The following IL1RAPL2 variants were observed in gnomAD, a reference collection of about 807,000 sequenced individuals.
IL1RAPL2 encodes interleukin 1 receptor accessory protein like 2.
A neutral mutation model predicts 44.1 loss-of-function variants in IL1RAPL2; 3 were observed. The ratio of observed to expected loss-of-function variants is 0.07; its 90% CI spans 0.03 to 0.18. The LOEUF (loss-of-function observed/expected upper bound fraction) is 0.18, where lower values mean the gene tolerates loss of function less well. IL1RAPL2 is among the 10% of genes least tolerant of loss of function. The probability of loss-of-function intolerance (pLI) is 1.00; values close to 1 mark genes in which losing one functional copy is unlikely to be tolerated. For synonymous variants in IL1RAPL2, 181 were observed against 178.8 expected (o/e 1.01, Z -0.10); for missense variants, 391 against 496.4 (o/e 0.79, Z 2.02).
chrX:104,781,906 T>C (rs766744286), intron 2 of IL1RAPL2, among the ~76,000 whole-genome samples: 1 of 111,232 alleles, frequency 9.0e-6, no homozygotes, highest in Non-Finnish European at 1.9e-5. Flanking sequence ...CATTTGAGAA[T>C]TGATTAAGTC....
intron 10 of IL1RAPL2, among the ~76,000 whole-genome samples, chrX:105,757,856 G>A (rs1162066921): frequency 8.9e-6 from 1 of 111,754 alleles, no homozygotes; most frequent in African/African-American, 3.3e-5. Context: ...TAGCTGAGCA[G>A]TCACCATGTC....
At chrX:105,440,307 C>A (rs1469709291) in intron 5 of IL1RAPL2, among the ~76,000 whole-genome samples, 2 of 111,808 alleles carry the variant, frequency 1.8e-5, no homozygotes, top group Non-Finnish European at 3.8e-5. Context: ...ATATTTTTTT[C>A]TGGTGAAAAG....
chrX:105,124,422 A>G (rs1337040803), intron 2 of IL1RAPL2, among the ~76,000 whole-genome samples: 1 of 110,871 alleles, frequency 9.0e-6, no homozygotes, highest in African/African-American at 3.3e-5. Context: ...CATGGCGTCA[A>G]GATTATATGA....
intron 5 of IL1RAPL2, among the ~76,000 whole-genome samples, chrX:105,447,932 A>AAAATATGTTAAAAATATAAATATAT (rs2035985842): frequency 2.0e-5 from 2 of 97,661 alleles, no homozygotes; most frequent in Non-Finnish European, 2.0e-5. Context: ...TAAATATATT[A>AAAATATGTTAAAAATATAAATATAT]AAATATGTTA....
At chrX:105,023,263 A>C (rs2031312387) in intron 2 of IL1RAPL2, among the ~76,000 whole-genome samples, 1 of 109,865 alleles carries the variant, frequency 9.1e-6, no homozygotes, top group African/African-American at 3.3e-5. Flanking sequence ...AAAAAAAAGG[A>C]ATGTCATTTC....
At chrX:105,111,558 G>A (rs778515905) in intron 2 of IL1RAPL2, among the ~76,000 whole-genome samples, 1 of 111,806 alleles carries the variant, frequency 8.9e-6, no homozygotes, top group East Asian at 2.8e-4. Flanking sequence ...AACCCCAAAA[G>A]TCATGTAGTA....
chrX:105,583,819 A>G (rs1257908020), intron 6 of IL1RAPL2, among the ~76,000 whole-genome samples: 1 of 111,866 alleles, frequency 8.9e-6, no homozygotes, highest in Non-Finnish European at 1.9e-5. Context: ...TAGTTTCTCA[A>G]GATGGAAGCT....
chrX:105,020,997 G>A (rs1308534459), intron 2 of IL1RAPL2, among the ~76,000 whole-genome samples: 1 of 111,697 alleles, frequency 9.0e-6, no homozygotes, highest in African/African-American at 3.2e-5. Context: ...GTGTCAGCAG[G>A]TTTCTAAGAC....
rs184586010 is a variant in IL1RAPL2, at chrX:105,039,652, A to G, written c.83-155823A>G. 5.5e-4 allele frequency among the ~76,000 whole-genome samples: 61 copies of G among 111,226 alleles called. No homozygotes were observed. The East Asian group carries it at 0.017, about 30-fold the overall frequency. Reference sequence around the variant, plus strand: ...TTTATTCTCTTTGAAGCAATTGTGAATGGGAGTTCACTCATGATTTGGATC... The same window carrying G: ...TTTATTCTCTTTGAAGCAATTGTGAGTGGGAGTTCACTCATGATTTGGATC... On this transcript the variant is annotated intron_variant, in intron 2 of 10. Coordinates refer to ENST00000372582, the MANE Select transcript of IL1RAPL2 (RefSeq NM_017416.2).
At chrX:105,064,305 G>C (rs1163134866) in intron 2 of IL1RAPL2, among the ~76,000 whole-genome samples, 2 of 112,331 alleles carry the variant, frequency 1.8e-5, no homozygotes, top group African/African-American at 6.5e-5. Context: ...AGGCAGAAAA[G>C]TCTCACCCAT....
At chrX:104,604,078 G>A (rs904986229) in intron 1 of IL1RAPL2, among the ~76,000 whole-genome samples, 1 of 112,198 alleles carries the variant, frequency 8.9e-6, no homozygotes, top group Non-Finnish European at 1.9e-5. Flanking sequence ...TACCCACAAA[G>A]GGAAGCCCAT....
At chrX:104,799,029 A>G (rs1426371316) in intron 2 of IL1RAPL2, among the ~76,000 whole-genome samples, 1 of 110,965 alleles carries the variant, frequency 9.0e-6, no homozygotes, top group Non-Finnish European at 1.9e-5. Flanking sequence ...TTTTACATGG[A>G]TCAACTTATT....
At chrX:104,826,119 T>A (rs1921443377) in intron 2 of IL1RAPL2, among the ~76,000 whole-genome samples, 1 of 111,732 alleles carries the variant, frequency 8.9e-6, no homozygotes. Context: ...TAGAATTTGT[T>A]TTTATGTTTT....
At chrX:105,074,535 G>T (rs1307467463) in intron 2 of IL1RAPL2, among the ~76,000 whole-genome samples, 2 of 109,703 alleles carry the variant, frequency 1.8e-5, no homozygotes, top group African/African-American at 3.3e-5. Context: ...CTCTTTTTTG[G>T]TTCCATATGA....
At chrX:105,331,532 G>A (rs1433335499) in intron 5 of IL1RAPL2, among the ~76,000 whole-genome samples, 5 of 111,060 alleles carry the variant, frequency 4.5e-5, no homozygotes, top group Non-Finnish European at 9.5e-5. Flanking sequence ...GCTAATTTTT[G>A]TAAACAGAAC....
At chrX:104,857,931 C>A (rs913897063) in intron 2 of IL1RAPL2, among the ~76,000 whole-genome samples, 1 of 111,219 alleles carries the variant, frequency 9.0e-6, no homozygotes, top group Non-Finnish European at 1.9e-5. Flanking sequence ...TAGAATCCTG[C>A]AGTTTTAGGG....
At chrX:104,652,841 A>G (rs1930177451) in intron 1 of IL1RAPL2, among the ~76,000 whole-genome samples, 2 of 111,188 alleles carry the variant, frequency 1.8e-5, no homozygotes, top group African/African-American at 6.5e-5. Context: ...TCTGATGAAA[A>G]TGCTTCTCTT....
chrX:104,737,050 C>A (rs771822253), intron 2 of IL1RAPL2, among the ~76,000 whole-genome samples: 10 of 112,481 alleles, frequency 8.9e-5, no homozygotes, highest in Non-Finnish European at 1.9e-4. Context: ...AACAAGAATT[C>A]TTTAAGTTGA....
At chrX:105,385,046 T>C (rs1371710615) in intron 5 of IL1RAPL2, among the ~76,000 whole-genome samples, 5 of 111,535 alleles carry the variant, frequency 4.5e-5, no homozygotes, top group Non-Finnish European at 5.7e-5. Context: ...TCATATAATT[T>C]AAAAACAAGA....
Sources: allele counts gnomAD v4.1 joint callset (sites outside exome capture counted in the v4.1 genomes callset), GRCh38; gene constraint gnomAD v4.1.1; transcripts MANE v1.5; gene names NCBI Gene and HGNC (gene_info 2026-07-23, HGNC 2026-07-21).